The following THSD4 variants were observed in gnomAD, a reference collection of about 807,000 sequenced individuals.
THSD4 encodes thrombospondin type 1 domain containing 4.
In THSD4, 69 loss-of-function variants were observed where a neutral mutation model predicts 119.0. That is an observed-to-expected ratio of 0.58 (90% confidence interval 0.48 to 0.71). The LOEUF (loss-of-function observed/expected upper bound fraction) is 0.71, where lower values mean the gene tolerates loss of function less well. Ranked by LOEUF, THSD4 falls within the 30% of genes least tolerant of loss-of-function variation. The pLI, the probability that THSD4 is intolerant of heterozygous loss-of-function variation, is 0.00. For synonymous variants in THSD4, 524 were observed against 540.4 expected, an observed-to-expected ratio of 0.97 and a Z score of 0.42; for missense variants, 1,393 against 1,391.1, an observed-to-expected ratio of 1.00 and a Z score of -0.02.
intron 10 of THSD4, among the ~76,000 whole-genome samples, chr15:71,736,895 A>C (rs2053123679): frequency 6.6e-6 from 1 of 152,222 alleles, no homozygotes. Flanking sequence ...GAAGTGGAGG[A>C]ATAAAGATAG....
At chr15:71,517,988 G>T (rs2048384436) in intron 7 of THSD4, among the ~76,000 whole-genome samples, 1 of 152,210 alleles carries the variant, frequency 6.6e-6, no homozygotes, top group African/African-American at 2.4e-5. Context: ...GGCCATGAAT[G>T]TCAAGGAGGA....
At chr15:71,592,214 G>A (rs12917034) in intron 7 of THSD4, among the ~76,000 whole-genome samples, 25,677 of 152,258 alleles carry the variant, frequency 0.17, 2,512 homozygotes, top group Non-Finnish European at 0.22. Context: ...CAGAGAGGAA[G>A]TTTGGATCTT....
chr15:71,649,052 G>A (rs1182983957), intron 7 of THSD4, among the ~76,000 whole-genome samples: 2 of 152,260 alleles, frequency 1.3e-5, no homozygotes. Context: ...TGAACATATG[G>A]AACGTAGAAA....
chr15:71,547,755 C>T (rs758645025), intron 7 of THSD4: 32 of 294,972 alleles, frequency 1.1e-4, no homozygotes, highest in African/African-American at 2.0e-4. Flanking sequence ...GCCTGTAGCA[C>T]GCACGCTTCT....
chr15:71,722,197 G>A (rs1475933905), intron 8 of THSD4, among the ~76,000 whole-genome samples: 11 of 152,156 alleles, frequency 7.2e-5, no homozygotes, highest in Admixed American at 6.5e-4. Context: ...AATTGTAGCC[G>A]CAGCTGTTTT....
At chr15:71,452,520 C>CA (rs71281967) in intron 7 of THSD4, among the ~76,000 whole-genome samples, 5,253 of 78,838 alleles carry the variant, frequency 0.067, 136 homozygotes, top group Middle Eastern at 0.14. Flanking sequence ...TCCCCTCCAC[C>CA]AAAAAAAAAA....
At chr15:71,506,930 T>C (rs1312346815) in intron 7 of THSD4, among the ~76,000 whole-genome samples, 1 of 152,254 alleles carries the variant, frequency 6.6e-6, no homozygotes, top group African/African-American at 2.4e-5. Flanking sequence ...TTGGTTCATC[T>C]GTAAGTTTTC....
chr15:71,461,139 G>A (rs2047423820), intron 7 of THSD4, among the ~76,000 whole-genome samples: 1 of 152,156 alleles, frequency 6.6e-6, no homozygotes, highest in South Asian at 2.1e-4. Flanking sequence ...TGTTAGTTGG[G>A]TCTGCAGTCA....
At chr15:71,496,147 T>G (rs2048014322) in intron 7 of THSD4, among the ~76,000 whole-genome samples, 1 of 152,240 alleles carries the variant, frequency 6.6e-6, no homozygotes, top group Non-Finnish European at 1.5e-5. Context: ...ATCTGAGATG[T>G]TCTTTGAGCT....
intron 7 of THSD4, among the ~76,000 whole-genome samples, chr15:71,414,473 C>T (rs866798119): frequency 6.6e-6 from 1 of 152,318 alleles, no homozygotes. Flanking sequence ...AACAAACTTC[C>T]ATGTGATATT....
intron 1 of THSD4, among the ~76,000 whole-genome samples, chr15:71,098,956 A>G (rs2040243013): frequency 6.6e-6 from 1 of 152,216 alleles, no homozygotes; most frequent in African/African-American, 2.4e-5. Flanking sequence ...ACTTGCTTGA[A>G]TACTTGTATG....
chr15:71,750,154 G>A (rs1007515663), intron 14 of THSD4, among the ~76,000 whole-genome samples: 3 of 152,162 alleles, frequency 2.0e-5, no homozygotes, highest in Non-Finnish European at 2.9e-5. Flanking sequence ...TAGGAGACAC[G>A]ATGCAGCCCA....
At chr15:71,237,114 G>C (rs573097746) in intron 4 of THSD4, among the ~76,000 whole-genome samples, 1 of 152,298 alleles carries the variant, frequency 6.6e-6, no homozygotes, top group South Asian at 2.1e-4. Flanking sequence ...GCAGGAGCCA[G>C]GCTGTGTAGG....
At position 71,199,893 on chromosome 15, in the gene THSD4, A is replaced by ATGTGTGTGTGGTGCATGTGTGGGGTGTG. The variant is rs2043783348; in HGVS notation, c.100-15131_100-15104dup. Reference sequence around the variant, plus strand: ...TGTGTGTGTGTGGTGCATGTGTGGTATGTGTGTGTGGTGCATGTGTGGGGT... The same window carrying ATGTGTGTGTGGTGCATGTGTGGGGTGTG: ...TGTGTGTGTGTGGTGCATGTGTGGTATGTGTGTGTGGTGCATGTGTGGGGTGTGTGTGTGTGTGGTGCATGTGTGGGGT... On this transcript the variant is annotated intron_variant, in intron 3 of 17. Transcript: ENST00000261862. 2.2e-3 allele frequency among the ~76,000 whole-genome samples: 66 copies of ATGTGTGTGTGGTGCATGTGTGGGGTGTG among 29,816 alleles called. 1 individual carries two copies. The highest frequency in any genetic ancestry group is 9.7e-3 in the Admixed American group (19 of 1,968). The allele number at this position is 29,816 out of a possible 152,430, so 19.6% of individuals were successfully genotyped here.
chr15:71,363,685 G>GA (rs1447707086), intron 6 of THSD4, among the ~76,000 whole-genome samples: 9 of 152,170 alleles, frequency 5.9e-5, no homozygotes, highest in African/African-American at 2.2e-4. Context: ...TGGTTCAAAG[G>GA]AGAGAACGGA....
At chr15:71,562,263 G>A (rs1272779400) in intron 7 of THSD4, among the ~76,000 whole-genome samples, 1 of 152,160 alleles carries the variant, frequency 6.6e-6, no homozygotes, top group Admixed American at 6.5e-5. Context: ...TACATTAAAT[G>A]TGTTCAAAGC....
intron 7 of THSD4, among the ~76,000 whole-genome samples, chr15:71,607,903 T>C (rs2140904615): frequency 6.6e-6 from 1 of 152,236 alleles, no homozygotes; most frequent in East Asian, 1.9e-4. Flanking sequence ...ATTGTTTCAG[T>C]GTAGTTGTGA....
chr15:71,367,448 G>A (rs946036483), intron 6 of THSD4, among the ~76,000 whole-genome samples: 37 of 151,782 alleles, frequency 2.4e-4, no homozygotes, highest in East Asian at 1.9e-4. Context: ...CCCACCCCAC[G>A]ACAGGCCCCG....
chr15:71,735,510 C>T (rs2053068213), intron 10 of THSD4, among the ~76,000 whole-genome samples: 1 of 151,940 alleles, frequency 6.6e-6, no homozygotes, highest in Admixed American at 6.6e-5. Context: ...GTCTGTCCCT[C>T]TCTGTCTCTC....
Sources: gnomAD v4.1 joint callset for allele counts (sites outside exome capture counted in the v4.1 genomes callset) on GRCh38, gnomAD v4.1.1 for gene constraint, MANE v1.5 for transcripts, NCBI Gene and HGNC (gene_info 2026-07-23, HGNC 2026-07-21) for gene names.